Variants in KTN1 observed in about 807,000 individuals in gnomAD.
KTN1 encodes kinectin 1.
A neutral mutation model predicts 222.5 loss-of-function variants in KTN1; 130 were observed. That is an observed-to-expected ratio of 0.58 (90% CI 0.51 to 0.68). The LOEUF (loss-of-function observed/expected upper bound fraction) is 0.68, where lower values mean the gene tolerates loss of function less well. Among genes scored for constraint, KTN1 ranks in the 30% least tolerant of loss-of-function variants. The pLI is 0.00. For synonymous variants in KTN1, 512 were observed against 496.3 expected, an observed-to-expected ratio of 1.03 and a Z score of -0.42; for missense variants, 1,508 against 1,500.4, an observed-to-expected ratio of 1.01 and a Z score of -0.08.
At chr14:55,677,473 TAAAAA>T (rs72424779) in intron 41 of KTN1, among the ~76,000 whole-genome samples, 1 of 98,338 alleles carries the variant, frequency 1.0e-5, no homozygotes, top group Non-Finnish European at 2.1e-5. Context: ...AAAGACTGTC[TAAAAA>T]AAAAAAAAAA....
At chr14:55,660,968 A>T (rs953680483) in intron 31 of KTN1, among the ~76,000 whole-genome samples, 14 of 152,216 alleles carry the variant, frequency 9.2e-5, no homozygotes, top group South Asian at 2.1e-4. Context: ...ACTATAACAG[A>T]ATCAAATTAT....
Position 55,648,831 on chromosome 14 carries a change from A to C in KTN1, c.2328A>C (p.Thr776=). 1.2e-6 allele frequency: 2 copies of C among 1,606,304 alleles called. No homozygotes were observed. The highest frequency in any genetic ancestry group is 1.1e-5 in the South Asian group (1 of 90,326). Residue 776 remains threonine, a synonymous_variant, in exon 21 of 44, where the codon ACA becomes ACC. Coordinates refer to ENST00000395314, the MANE Select transcript of KTN1 (RefSeq NM_001079521.2). ...NAIRTENSSL[T]KEVQDLKAKQ... ...TAAGAACAGAAAATTCATCTCTGAC[A>C]AAAGAAGTTCAAGACTTAAAAGCTA...
chr14:55,627,788 A>T (rs1421284640), intron 5 of KTN1, 124 bp from the exon 6 acceptor site: 1 of 609,266 alleles, frequency 1.6e-6, no homozygotes, highest in African/African-American at 1.9e-5. Flanking sequence ...TGCAAAGGAC[A>T]TGAACTCATT....
In KTN1 at chr14:55,673,154, C is replaced by G. The variant is rs751029492; in HGVS notation, c.3688-18C>G. On this transcript the variant is annotated intron_variant, in intron 39 of 43. Transcript: ENST00000395314. ...CTATCATAAGGAGATCAATCTTAAA[C>G]TCTAAACTTCATTGCAGCTGAAAGA... is the stretch of plus-strand genomic sequence containing the variant. 4.2e-5 allele frequency: 68 copies of G among 1,603,954 alleles called. No individual in the cohort carries two copies. The highest frequency in any genetic ancestry group is 5.7e-5 in the Non-Finnish European group (67 of 1,171,552).
At chr14:55,637,152 C>G in intron 10 of KTN1, 46 bp from the exon 11 acceptor site, 1 of 1,413,734 alleles carries the variant, frequency 7.1e-7, no homozygotes, top group Non-Finnish European at 9.7e-7. Context: ...GTATGAGTAA[C>G]TAGGCAAAGA....
chr14:55,625,116 A>C (rs758128279), intron 5 of KTN1, among the ~76,000 whole-genome samples: 2 of 152,106 alleles, frequency 1.3e-5, no homozygotes, highest in Non-Finnish European at 2.9e-5. Context: ...AGACTTCCCA[A>C]ATTCCAGTCT....
At chr14:55,591,170 T>TC (rs1201807347) in intron 1 of KTN1, among the ~76,000 whole-genome samples, 4 of 152,204 alleles carry the variant, frequency 2.6e-5, no homozygotes, top group Admixed American at 2.6e-4. Flanking sequence ...GTGTTTTTTT[T>TC]CAAACTTTTT....
intron 35 of KTN1, 36 bp downstream of exon 35, chr14:55,670,845 A>C (rs1349369894): frequency 7.2e-7 from 1 of 1,395,250 alleles, no homozygotes. Context: ...TAATTTAAAC[A>C]TAGAAAAAAG....
intron 8 of KTN1, 35 bp from the exon 9 acceptor site, chr14:55,634,491 T>C (rs2040887797): frequency 1.9e-6 from 3 of 1,556,056 alleles, no homozygotes; most frequent in African/African-American, 1.4e-5. Flanking sequence ...ATATTTGTAA[T>C]AACGGAAGGC....
chr14:55,662,735 G>A (rs76552244), intron 32 of KTN1, among the ~76,000 whole-genome samples: 110 of 152,260 alleles, frequency 7.2e-4, no homozygotes, highest in African/African-American at 2.6e-3. Context: ...AATTTAACAA[G>A]TTGACATTTT....
intron 6 of KTN1, 123 bp downstream of exon 6, chr14:55,628,151 C>T: frequency 1.6e-6 from 1 of 636,808 alleles, no homozygotes; most frequent in Non-Finnish European, 2.8e-6. Context: ...AGTAACTTTC[C>T]TTTAGAGTTT....
chr14:55,590,578 C>T (rs961958923), intron 1 of KTN1, among the ~76,000 whole-genome samples: 1 of 151,858 alleles, frequency 6.6e-6, no homozygotes, highest in Admixed American at 6.6e-5. Context: ...AGTTGTATCC[C>T]TATTTTGTTG....
intron 25 of KTN1, among the ~76,000 whole-genome samples, chr14:55,652,543 C>T (rs1435371154): frequency 6.6e-6 from 1 of 151,894 alleles, no homozygotes. Context: ...GGACTACAGG[C>T]GCGTACCACC....
At chr14:55,635,723 A>C (rs1195335462) in intron 9 of KTN1, among the ~76,000 whole-genome samples, 1 of 152,208 alleles carries the variant, frequency 6.6e-6, no homozygotes, top group African/African-American at 2.4e-5. Context: ...AAATTTGTTG[A>C]AAGTATAGTT....
intron 5 of KTN1, 56 bp from the exon 6 acceptor site, chr14:55,627,856 A>G: frequency 9.7e-7 from 1 of 1,030,838 alleles, no homozygotes. Flanking sequence ...CATTTTCATA[A>G]TTTTTATTAG....
intron 18 of KTN1, among the ~76,000 whole-genome samples, chr14:55,646,079 A>G (rs1338792184): frequency 6.6e-6 from 1 of 152,062 alleles, no homozygotes; most frequent in African/African-American, 2.4e-5. Context: ...ACTGAGGGAG[A>G]AATCCCACTT....
chr14:55,597,080 G>C (rs1182665415), intron 1 of KTN1, among the ~76,000 whole-genome samples: 1 of 151,892 alleles, frequency 6.6e-6, no homozygotes, highest in Non-Finnish European at 1.5e-5. Flanking sequence ...AAAATCCAAA[G>C]GGAAGAACTC....
In KTN1 at chr14:55,661,518, T is replaced by G. The variant is rs2044142181; in HGVS notation, c.3000-4T>G. 5 of 1,548,540 alleles carry G rather than the reference T, an allele frequency of 3.2e-6. No individual in the cohort carries two copies. Among genetic ancestry groups the G allele is most frequent in the Non-Finnish European group, 3.6e-6 (4 of 1,120,908 alleles). ...TTGCTACATGTATTCATGTTCTGGT[T>G]TAGAATTTCAGAAAGAGAGAAAGAA... On this transcript the variant is annotated splice_polypyrimidine_tract_variant and splice_region_variant and intron_variant, in intron 31 of 43. Coordinates refer to ENST00000395314, the MANE Select transcript of KTN1 (RefSeq NM_001079521.2).
chr14:55,642,025 A>T lies in KTN1; in HGVS notation c.2172+265A>T, dbSNP rs573291295. 3.3e-5 allele frequency among the ~76,000 whole-genome samples: 5 copies of T among 152,302 alleles called. No homozygotes were observed. The East Asian group carries it at 9.7e-4, about 29-fold the overall frequency. ...AAAATAATTTAAGCCATTTTGATACATTTGACTTTCAGAATAAATGTCCTG... is the reference window on the plus strand; with the variant it reads ...AAAATAATTTAAGCCATTTTGATACTTTTGACTTTCAGAATAAATGTCCTG... On this transcript the variant is annotated intron_variant, in intron 18 of 43. Transcript: ENST00000395314.
Sources: gnomAD v4.1 joint callset for allele counts (sites outside exome capture counted in the v4.1 genomes callset) on GRCh38, gnomAD v4.1.1 for gene constraint, MANE v1.5 for transcripts, NCBI Gene and HGNC (gene_info 2026-07-23, HGNC 2026-07-21) for gene names.